The following ATRNL1 variants were observed in gnomAD, a reference collection of about 807,000 sequenced individuals.
ATRNL1 encodes attractin-like protein 1.
A neutral mutation model predicts 182.7 loss-of-function variants in ATRNL1; 95 were observed. That is an observed-to-expected ratio of 0.52 (90% CI 0.44 to 0.62). The LOEUF (loss-of-function observed/expected upper bound fraction) is 0.62. Ranked by LOEUF, ATRNL1 falls within the 20% of genes least tolerant of loss-of-function variation. The pLI, the probability that ATRNL1 is intolerant of heterozygous loss-of-function variation, is 0.00. For synonymous variants in ATRNL1, 576 were observed against 568.3 expected (o/e 1.01, Z -0.19); for missense variants, 1,471 against 1,679.5 (o/e 0.88, Z 2.17).
intron 27 of ATRNL1, among the ~76,000 whole-genome samples, chr10:115,778,517 A>T (rs1555078493): frequency 6.6e-6 from 1 of 152,188 alleles, no homozygotes; most frequent in African/African-American, 2.4e-5. Flanking sequence ...AGATATGGTG[A>T]AAGAGTAAAG....
chr10:115,659,153 C>T (rs191613549), intron 26 of ATRNL1, among the ~76,000 whole-genome samples: 1 of 152,100 alleles, frequency 6.6e-6, no homozygotes, highest in Non-Finnish European at 1.5e-5. Flanking sequence ...ACCATCTCTA[C>T]ACAACATTCT....
Position 115,668,439 on chromosome 10 carries a change from C to T in ATRNL1, c.3796-58809C>T, listed in dbSNP as rs1426488163. On this transcript the variant is annotated intron_variant, in intron 26 of 28. Coordinates refer to ENST00000355044, the MANE Select transcript of ATRNL1 (RefSeq NM_207303.4). ...GCAATCATAAAGCATTTAAAATTTT[C>T]CTTTACCCAGTTAGCTTTACATTTA... 2.0e-5 allele frequency among the ~76,000 whole-genome samples: 3 copies of T among 152,230 alleles called. No individual in the cohort carries two copies. In the East Asian group the frequency reaches 5.8e-4, roughly 29 times the overall value.
At chr10:115,155,215 T>G (rs375079571) in intron 5 of ATRNL1, among the ~76,000 whole-genome samples, 1 of 152,104 alleles carries the variant, frequency 6.6e-6, no homozygotes, top group East Asian at 1.9e-4. Flanking sequence ...TTTCCTGCAG[T>G]TGGATCATGT....
chr10:115,799,914 T>C (rs1555083922), intron 27 of ATRNL1, among the ~76,000 whole-genome samples: 1 of 152,064 alleles, frequency 6.6e-6, no homozygotes, highest in East Asian at 1.9e-4. Context: ...GTACTGATAC[T>C]TTTCTTCTTT....
chr10:115,745,551 T>C (rs1264625404), intron 27 of ATRNL1, among the ~76,000 whole-genome samples: 3 of 152,128 alleles, frequency 2.0e-5, no homozygotes, highest in Non-Finnish European at 4.4e-5. Context: ...TTTTCCAAAG[T>C]GTATATGCCA....
intron 28 of ATRNL1, among the ~76,000 whole-genome samples, chr10:115,872,056 C>G (rs1344397158): frequency 2.0e-5 from 3 of 152,112 alleles, no homozygotes; most frequent in Non-Finnish European, 1.5e-5. Flanking sequence ...ATCTAAGAAG[C>G]CATTAAAGAC....
At chr10:115,616,596 A>T (rs1237574928) in intron 26 of ATRNL1, among the ~76,000 whole-genome samples, 1 of 152,196 alleles carries the variant, frequency 6.6e-6, no homozygotes, top group African/African-American at 2.4e-5. Context: ...AAGAGGAAAG[A>T]ATGCTTCCAT....
chr10:115,686,294 G>A (rs1432567970), intron 26 of ATRNL1, among the ~76,000 whole-genome samples: 1 of 151,848 alleles, frequency 6.6e-6, no homozygotes, highest in Non-Finnish European at 1.5e-5. Context: ...GTACAATACC[G>A]CAAATGGTTC....
chr10:115,694,077 C>T (rs1946476932), intron 26 of ATRNL1, among the ~76,000 whole-genome samples: 1 of 151,740 alleles, frequency 6.6e-6, no homozygotes, highest in Non-Finnish European at 1.5e-5. Flanking sequence ...AATCATAGTA[C>T]TTGTTCCTTA....
Position 115,286,225 on chromosome 10 carries a change from G to C in ATRNL1, c.2243G>C (p.Cys748Ser). 6.4e-7 allele frequency: 1 copy of C among 1,552,712 alleles called. No homozygotes were observed. The highest frequency in any genetic ancestry group is 8.8e-7 in the Non-Finnish European group (1 of 1,134,796). The change falls in exon 15 of 29, where the codon TGT becomes TCT. Residue 748 changes from cysteine to serine, a missense_variant. Around this residue, in one of 3 missense-constraint regions of ATRNL1, gnomAD observed 1,031 missense variants for 1,156.0 expected, o/e 0.89. Transcript: ENST00000355044. ...TTTTTTTTCTTACTAGCTCATCTTT[G>C]TGGAGAAGGATGGAGTCATATTGGG... ...QECQALPAHL[C>S]GEGWSHIGDA...
At chr10:115,790,550 T>G (rs1949505997) in intron 27 of ATRNL1, among the ~76,000 whole-genome samples, 1 of 152,018 alleles carries the variant, frequency 6.6e-6, no homozygotes, top group Non-Finnish European at 1.5e-5. Context: ...CAGAGGATCA[T>G]TATGTAAATT....
At chr10:115,480,207 A>AAC (rs72119794) in intron 24 of ATRNL1, among the ~76,000 whole-genome samples, 61,929 of 146,526 alleles carry the variant, frequency 0.42, 13,050 homozygotes, top group Middle Eastern at 0.51. Flanking sequence ...GAGTCATTTG[A>AAC]ACACACACAC....
chr10:115,228,540 CTT>C (rs1554899191), intron 9 of ATRNL1, among the ~76,000 whole-genome samples: 4 of 152,176 alleles, frequency 2.6e-5, no homozygotes. Flanking sequence ...TATGTGAAGA[CTT>C]TTCTCTGATA....
At chr10:115,860,006 G>A (rs1951275344) in intron 28 of ATRNL1, among the ~76,000 whole-genome samples, 1 of 152,168 alleles carries the variant, frequency 6.6e-6, no homozygotes, top group South Asian at 2.1e-4. Flanking sequence ...GCCCATGCAA[G>A]TTGAGCAGGC....
intron 19 of ATRNL1, among the ~76,000 whole-genome samples, chr10:115,381,309 C>T (rs1437167136): frequency 6.6e-6 from 1 of 151,882 alleles, no homozygotes; most frequent in African/African-American, 2.4e-5. Flanking sequence ...CTCTGTCGCC[C>T]AGGCTGGAGT....
At chr10:115,567,462 G>A (rs1452512334) in intron 26 of ATRNL1, among the ~76,000 whole-genome samples, 1 of 151,976 alleles carries the variant, frequency 6.6e-6, no homozygotes, top group Non-Finnish European at 1.5e-5. Context: ...ATTTAATTTT[G>A]CAGATCTATT....
At position 115,159,607 on chromosome 10, in the gene ATRNL1, TA is replaced by T. The variant is rs538217206; in HGVS notation, c.830-426del. ...TTAAATGCTTTTACTTCCACTATTT[TA>T]AAAAAATAAATATTTATTATAACCC... On this transcript the variant is annotated intron_variant, in intron 5 of 28. Coordinates refer to ENST00000355044, the MANE Select transcript of ATRNL1 (RefSeq NM_207303.4). Among the ~76,000 whole-genome samples the T allele has an allele frequency of 4.0e-5, 6 of 151,720 alleles. No homozygotes were observed. In the East Asian group the frequency reaches 1.2e-3, roughly 29 times the overall value.
intron 24 of ATRNL1, among the ~76,000 whole-genome samples, chr10:115,483,552 A>G (rs910550439): frequency 9.2e-5 from 14 of 151,628 alleles, no homozygotes; most frequent in Non-Finnish European, 1.8e-4. Flanking sequence ...ACAACAAAAT[A>G]TACCACATGA....
intron 6 of ATRNL1, among the ~76,000 whole-genome samples, chr10:115,160,433 G>A (rs192083396): frequency 2.0e-5 from 3 of 151,864 alleles, no homozygotes; most frequent in East Asian, 3.9e-4. Context: ...CTTCTCTAGA[G>A]TACTTTTAAT....
Sources: gnomAD v4.1 joint callset for allele counts (sites outside exome capture counted in the v4.1 genomes callset) on GRCh38, gnomAD v4.1.1 for gene constraint, gnomAD v4.1.1 regional missense constraint, MANE v1.5 for transcripts, NCBI Gene and HGNC (gene_info 2026-07-23, HGNC 2026-07-21) for gene names.